AMPH: variants seen among roughly 807,000 people sequenced by gnomAD.
The protein encoded by AMPH is amphiphysin (Stiff-Mann syndrome with breast cancer 128kD autoantigen).
Under a neutral mutation model 99.1 loss-of-function variants are expected in AMPH, and 49 were observed. The observed-to-expected ratio is 0.49, with a 90% CI of 0.39 to 0.63. The LOEUF (loss-of-function observed/expected upper bound fraction) is 0.63. Ranked by LOEUF, AMPH falls within the 20% of genes least tolerant of loss-of-function variation. The pLI, the probability that AMPH is intolerant of heterozygous loss-of-function variation, is 0.00. For synonymous variants in AMPH, 314 were observed against 317.3 expected (o/e 0.99, Z 0.11); for missense variants, 759 against 863.4 (o/e 0.88, Z 1.52).
chr7:38,407,254 ACTAT>A (rs1785067105), intron 17 of AMPH, among the ~76,000 whole-genome samples: 1 of 142,938 alleles, frequency 7.0e-6, no homozygotes, highest in Non-Finnish European at 1.5e-5. Context: ...TCTGTATCTA[ACTAT>A]CTATCTATCT....
Position 38,571,055 on chromosome 7 carries a change from ATATATT to A in AMPH, c.70-36050_70-36045del, listed in dbSNP as rs1368184066. Among the ~76,000 whole-genome samples the A allele has an allele frequency of 2.6e-3, 114 of 44,420 alleles. 14 individuals are homozygous for A. The highest frequency in any genetic ancestry group is 9.4e-3 in the African/African-American group (108 of 11,548). 29.1% of individuals were successfully genotyped at this position (44,420 alleles called of 152,430 possible). A position where few individuals can be genotyped will look rare whatever the true frequency, so the allele number is the denominator to read the frequency against. ...GAATATATATAGAATATATATATTC[ATATATT>A]GAATATATATAGAATATATATATTC... On this transcript the variant is annotated intron_variant, in intron 1 of 20. Transcript: ENST00000356264.
intron 18 of AMPH, among the ~76,000 whole-genome samples, chr7:38,392,382 T>C (rs1297156398): frequency 2.6e-5 from 1 of 38,908 alleles, no homozygotes; most frequent in Non-Finnish European, 5.7e-5. Context: ...TGGTTCTTTT[T>C]TTTTTTTTTT....
At chr7:38,559,003 T>C (rs767315812) in intron 1 of AMPH, among the ~76,000 whole-genome samples, 3 of 152,206 alleles carry the variant, frequency 2.0e-5, no homozygotes, top group Admixed American at 6.5e-5. Context: ...AATTTATATA[T>C]AGATTCTGAA....
chr7:38,509,056 C>T (rs963934788), intron 2 of AMPH, among the ~76,000 whole-genome samples: 3 of 152,128 alleles, frequency 2.0e-5, no homozygotes, highest in Non-Finnish European at 2.9e-5. Flanking sequence ...GATGTAAAAG[C>T]GCCCAGGGTC....
chr7:38,443,636 A>G (rs1303093597), intron 11 of AMPH, among the ~76,000 whole-genome samples: 6 of 152,178 alleles, frequency 3.9e-5, no homozygotes, highest in Admixed American at 1.3e-4. Flanking sequence ...AGAGCATTTG[A>G]GAAAATCCAC....
At chr7:38,450,620 G>A (rs1786972912) in intron 11 of AMPH, among the ~76,000 whole-genome samples, 1 of 152,328 alleles carries the variant, frequency 6.6e-6, no homozygotes, top group South Asian at 2.1e-4. Flanking sequence ...CAAAGGTGTT[G>A]TGAGCATGAA....
intron 11 of AMPH, among the ~76,000 whole-genome samples, chr7:38,443,290 C>T (rs368085233): frequency 3.3e-5 from 5 of 151,918 alleles, no homozygotes; most frequent in African/African-American, 1.2e-4. Flanking sequence ...TCTATCAAAC[C>T]TTTAAGCAAC....
intron 11 of AMPH, among the ~76,000 whole-genome samples, chr7:38,438,649 C>A (rs568707169): frequency 3.3e-5 from 5 of 152,310 alleles, no homozygotes; most frequent in African/African-American, 1.2e-4. Flanking sequence ...AGGCATCAGA[C>A]TATAATGGGC....
At chr7:38,608,672 C>A (rs1793519786) in intron 1 of AMPH, among the ~76,000 whole-genome samples, 1 of 152,126 alleles carries the variant, frequency 6.6e-6, no homozygotes, top group South Asian at 2.1e-4. Flanking sequence ...ATACTGACAT[C>A]AAACAGGAGA....
chr7:38,433,742 A>T (rs1319099378), intron 12 of AMPH, among the ~76,000 whole-genome samples: 1 of 147,846 alleles, frequency 6.8e-6, no homozygotes, highest in Non-Finnish European at 1.5e-5. Flanking sequence ...AAAAAAAAAA[A>T]AAAAGAATCA....
chr7:38,394,110 G>C lies in AMPH; in HGVS notation c.1503C>G (p.Ala501=), dbSNP rs747583340. Residue 501 remains alanine, a synonymous_variant, in exon 18 of 21, where the codon GCC becomes GCG. Coordinates refer to ENST00000356264, the MANE Select transcript of AMPH (RefSeq NM_001635.4). The part of the protein sequence containing the change: ...EAEAEKATVP[A]GEGVSLEEAK... The stretch of plus-strand genomic sequence containing the variant: ...CCTCCTCTAAACTTACTCCTTCCCC[G>C]GCAGGGACAGTGGCCTTCTCCGCCT... The C allele has an allele frequency of 7.4e-6, 12 of 1,614,086 alleles. No individual in the cohort carries two copies. The highest frequency in any genetic ancestry group is 9.3e-6 in the Non-Finnish European group (11 of 1,180,012).
At chr7:38,591,339 G>A (rs898977123) in intron 1 of AMPH, among the ~76,000 whole-genome samples, 2 of 147,648 alleles carry the variant, frequency 1.4e-5, no homozygotes, top group Non-Finnish European at 3.0e-5. Flanking sequence ...CCAGGCTAGA[G>A]TGCAATGGCA....
chr7:38,578,003 A>G (rs1361849628), intron 1 of AMPH, among the ~76,000 whole-genome samples: 1 of 152,214 alleles, frequency 6.6e-6, no homozygotes, highest in African/African-American at 2.4e-5. Flanking sequence ...AGGCTCTGCT[A>G]TAAGTGACAA....
chr7:38,510,911 A>G (rs1789514473), intron 2 of AMPH, among the ~76,000 whole-genome samples: 1 of 152,188 alleles, frequency 6.6e-6, no homozygotes, highest in Admixed American at 6.6e-5. Context: ...CCATAATTCC[A>G]TGGAGTTTAT....
chr7:38,571,272 T>TATA (rs1191088687), intron 1 of AMPH, among the ~76,000 whole-genome samples: 3 of 32,652 alleles, frequency 9.2e-5, no homozygotes, highest in East Asian at 4.4e-4. Flanking sequence ...TATATTTATA[T>TATA]ATATATTTTT....
chr7:38,597,297 T>C (rs1793093841), intron 1 of AMPH, among the ~76,000 whole-genome samples: 1 of 151,998 alleles, frequency 6.6e-6, no homozygotes, highest in Non-Finnish European at 1.5e-5. Context: ...GAATCTGTCA[T>C]CATGAAAGTT....
intron 12 of AMPH, among the ~76,000 whole-genome samples, chr7:38,434,059 G>A (rs1226051334): frequency 2.6e-5 from 4 of 152,210 alleles, no homozygotes; most frequent in African/African-American, 9.6e-5. Flanking sequence ...TTTGTTCTTA[G>A]CAAAAGAGGA....
intron 11 of AMPH, among the ~76,000 whole-genome samples, chr7:38,458,251 C>T (rs1787307943): frequency 6.6e-6 from 1 of 152,046 alleles, no homozygotes; most frequent in Admixed American, 6.6e-5. Context: ...TCCCAACAAA[C>T]AGAAGCCTAG....
intron 17 of AMPH, among the ~76,000 whole-genome samples, chr7:38,417,327 TTAATTG>T (rs1398546556): frequency 6.6e-6 from 1 of 152,180 alleles, no homozygotes; most frequent in East Asian, 1.9e-4. Context: ...ATCAGCAGAC[TTAATTG>T]TGAGCAAATG....
Sources: gnomAD v4.1 joint callset for allele counts (sites outside exome capture counted in the v4.1 genomes callset) on GRCh38, gnomAD v4.1.1 for gene constraint, MANE v1.5 for transcripts, NCBI Gene and HGNC (gene_info 2026-07-23, HGNC 2026-07-21) for gene names.